FAM193A: variants seen among roughly 807,000 people sequenced by gnomAD.
FAM193A encodes family with sequence similarity 193 member A.
In FAM193A, 22 loss-of-function variants were observed where a neutral mutation model predicts 126.5. The ratio of observed to expected loss-of-function variants is 0.17; its 90% CI spans 0.12 to 0.25. The LOEUF is 0.25. Ranked by LOEUF, FAM193A falls within the 10% of genes least tolerant of loss-of-function variation. FAM193A has a pLI of 1.00. For synonymous variants in FAM193A, 761 were observed against 646.8 expected (o/e 1.18, Z -2.68); for missense variants, 1,675 against 1,672.8 (o/e 1.00, Z -0.02).
chr4:2,565,151 T>C (rs1738861239), intron 1 of FAM193A, among the ~76,000 whole-genome samples: 1 of 151,874 alleles, frequency 6.6e-6, no homozygotes, highest in Non-Finnish European at 1.5e-5. Flanking sequence ...TAGATTCCAG[T>C]TGAGTACTCT....
At chr4:2,692,116 T>C (rs915139877) in intron 15 of FAM193A, among the ~76,000 whole-genome samples, 3 of 152,202 alleles carry the variant, frequency 2.0e-5, no homozygotes, top group Admixed American at 6.5e-5. Flanking sequence ...CTCACACTGC[T>C]ATGAAGAAAT....
chr4:2,699,365 C>T (rs973555408), intron 18 of FAM193A, among the ~76,000 whole-genome samples: 2 of 151,020 alleles, frequency 1.3e-5, no homozygotes, highest in Admixed American at 1.3e-4. Flanking sequence ...GTGTGCTTTG[C>T]AGCTGCTTTG....
intron 7 of FAM193A, among the ~76,000 whole-genome samples, chr4:2,648,546 C>G (rs1402914808): frequency 6.6e-6 from 1 of 152,244 alleles, no homozygotes; most frequent in African/African-American, 2.4e-5. Context: ...ACTTCTTAGC[C>G]TGGACTACTG....
At chr4:2,636,350 A>T (rs923507815) in intron 5 of FAM193A, among the ~76,000 whole-genome samples, 6 of 152,158 alleles carry the variant, frequency 3.9e-5, no homozygotes, top group Admixed American at 3.9e-4. Context: ...GCCGTGAGCC[A>T]CCGTGCCCTG....
chr4:2,545,368 GTGT>G (rs1479318423), intron 1 of FAM193A, among the ~76,000 whole-genome samples: 2 of 151,218 alleles, frequency 1.3e-5, no homozygotes, highest in African/African-American at 2.4e-5. Context: ...AGATGCATCT[GTGT>G]TGTTGTCCTA....
chr4:2,598,963 C>G (rs973243806), intron 2 of FAM193A, among the ~76,000 whole-genome samples: 2 of 152,212 alleles, frequency 1.3e-5, no homozygotes, highest in Non-Finnish European at 2.9e-5. Context: ...CCGGTGGCAG[C>G]CAGACTCTGC....
At chr4:2,548,664 C>A (rs1203734776) in intron 1 of FAM193A, among the ~76,000 whole-genome samples, 1 of 151,694 alleles carries the variant, frequency 6.6e-6, no homozygotes, top group Non-Finnish European at 1.5e-5. Context: ...ACCATATTGG[C>A]CATGCTGGTC....
chr4:2,714,076 T>G (rs986904999), intron 19 of FAM193A, among the ~76,000 whole-genome samples: 1 of 152,172 alleles, frequency 6.6e-6, no homozygotes, highest in Non-Finnish European at 1.5e-5. Flanking sequence ...ACATGCCAGC[T>G]CTTTTTCCTC....
At chr4:2,562,941 T>C (rs1369119980) in intron 1 of FAM193A, among the ~76,000 whole-genome samples, 1 of 150,182 alleles carries the variant, frequency 6.7e-6, no homozygotes, top group Non-Finnish European at 1.5e-5. Flanking sequence ...TGCATTTCTT[T>C]CTTTCTTTTT....
chr4:2,668,087 T>G (rs913704998), intron 12 of FAM193A, among the ~76,000 whole-genome samples: 1 of 152,070 alleles, frequency 6.6e-6, no homozygotes, highest in South Asian at 2.1e-4. Context: ...TTAATTTTAG[T>G]AGAGACAAGG....
chr4:2,722,320 G>A lies in FAM193A; in HGVS notation c.4454+6216G>A, dbSNP rs961027921. ...GTGGTGTGGGGAGGGACAAAGCCAG[G>A]TCACACTGGGCCTGGGACCTTAGAG... On this transcript the variant is annotated intron_variant, in intron 20 of 20. Coordinates refer to ENST00000637812, the MANE Select transcript of FAM193A (RefSeq NM_001366318.2). 2.5e-4 allele frequency among the ~76,000 whole-genome samples: 38 copies of A among 152,302 alleles called. 1 individual carries two copies. The highest frequency in any genetic ancestry group is 8.3e-4 in the South Asian group (4 of 4,826).
chr4:2,572,315 T>G, intron 1 of FAM193A, among the ~76,000 whole-genome samples: 1 of 137,974 alleles, frequency 7.2e-6, no homozygotes. Flanking sequence ...GGCGACAGAG[T>G]GAGACTTCAT....
chr4:2,639,055 A>G (rs2109023990), intron 5 of FAM193A, among the ~76,000 whole-genome samples: 1 of 152,350 alleles, frequency 6.6e-6, no homozygotes, highest in Admixed American at 6.5e-5. Context: ...GGTTGTAGCA[A>G]GACTTATTAA....
chr4:2,558,315 C>T (rs1191795102), intron 1 of FAM193A, among the ~76,000 whole-genome samples: 2 of 151,634 alleles, frequency 1.3e-5, no homozygotes, highest in African/African-American at 2.4e-5. Context: ...GTACTACAAT[C>T]TAATTACTTT....
intron 2 of FAM193A, among the ~76,000 whole-genome samples, chr4:2,623,450 G>A (rs896092294): frequency 1.3e-5 from 2 of 151,870 alleles, no homozygotes; most frequent in African/African-American, 2.4e-5. Context: ...GATTACAGGC[G>A]TGAGCCACCG....
At chr4:2,648,054 C>T (rs183718688) in intron 7 of FAM193A, among the ~76,000 whole-genome samples, 88 of 152,204 alleles carry the variant, frequency 5.8e-4, no homozygotes, top group African/African-American at 2.1e-3. Flanking sequence ...TTGCTGTTCT[C>T]TACTGCAGCC....
chr4:2,590,986 C>T (rs1367466682), intron 1 of FAM193A, among the ~76,000 whole-genome samples: 1 of 151,142 alleles, frequency 6.6e-6, no homozygotes, highest in Non-Finnish European at 1.5e-5. Flanking sequence ...GAGATCGTGC[C>T]ACTACACCCC....
At chr4:2,730,777 T>A (rs1210253145) in intron 20 of FAM193A, among the ~76,000 whole-genome samples, 1 of 149,384 alleles carries the variant, frequency 6.7e-6, no homozygotes, top group African/African-American at 2.5e-5. Context: ...CCTGTAGTCC[T>A]AACTATTTGG....
At chr4:2,541,829 T>C (rs1157289730) in intron 1 of FAM193A, among the ~76,000 whole-genome samples, 2 of 151,992 alleles carry the variant, frequency 1.3e-5, no homozygotes, top group East Asian at 3.9e-4. Context: ...CCATCTTTTA[T>C]GGTATTTTAT....
Sources: allele counts gnomAD v4.1 joint callset (sites outside exome capture counted in the v4.1 genomes callset), GRCh38; gene constraint gnomAD v4.1.1; transcripts MANE v1.5; gene names NCBI Gene and HGNC (gene_info 2026-07-23, HGNC 2026-07-21).